Variants in MYO1E observed in about 807,000 individuals in gnomAD.
MYO1E encodes the protein myosin IE, also known as unconventional myosin-Ie.
MYO1E carries 68 observed loss-of-function variants against 151.1 expected under a neutral mutation model. That is an observed-to-expected ratio of 0.45 (90% CI 0.37 to 0.55). MYO1E has a LOEUF of 0.55. Among genes scored for constraint, MYO1E ranks in the 20% least tolerant of loss-of-function variants. The pLI is 0.00. For synonymous variants in MYO1E, 601 were observed against 501.7 expected, an observed-to-expected ratio of 1.20 and a Z score of -2.64; for missense variants, 1,363 against 1,389.3, an observed-to-expected ratio of 0.98 and a Z score of 0.30.
chr15:59,200,732 C>T (rs775606762), intron 16 of MYO1E, among the ~76,000 whole-genome samples: 1 of 152,168 alleles, frequency 6.6e-6, no homozygotes, highest in African/African-American at 2.4e-5. Flanking sequence ...GTTCAGTATG[C>T]CTCAGGCACT....
At chr15:59,224,986 T>A (rs1270988173) in intron 7 of MYO1E, among the ~76,000 whole-genome samples, 163 bp from the exon 8 acceptor site, 1 of 152,208 alleles carries the variant, frequency 6.6e-6, no homozygotes, top group African/African-American at 2.4e-5. Context: ...CCCCAGGTCA[T>A]CTCTGCAAAT....
chr15:59,345,467 T>A lies in MYO1E; in HGVS notation c.3+27031A>T, dbSNP rs148959366. ...ACTACAGGCACATGTGCCACCACAC[T>A]CAGCTAATTAAAAAAATGTTTTTAG... On this transcript the variant is annotated intron_variant, in intron 1 of 27. Transcript: ENST00000288235. Among the ~76,000 whole-genome samples, 83 of 152,256 alleles carry A rather than the reference T, an allele frequency of 5.5e-4. 1 individual carries two copies. In the East Asian group the frequency reaches 0.014, roughly 25 times the overall value.
chr15:59,303,277 T>C (rs546924166), intron 1 of MYO1E, among the ~76,000 whole-genome samples: 12 of 152,192 alleles, frequency 7.9e-5, no homozygotes, highest in African/African-American at 2.9e-4. Flanking sequence ...CCGGGTGTGG[T>C]GGTGGCATGT....
intron 1 of MYO1E, among the ~76,000 whole-genome samples, chr15:59,324,783 A>C (rs1483993754): frequency 6.6e-6 from 1 of 151,952 alleles, no homozygotes; most frequent in Non-Finnish European, 1.5e-5. Context: ...ATTGAGCCTT[A>C]TGTCCTAAAG....
intron 9 of MYO1E, among the ~76,000 whole-genome samples, chr15:59,221,778 A>G (rs1238357874): frequency 6.6e-6 from 1 of 152,186 alleles, no homozygotes; most frequent in African/African-American, 2.4e-5. Flanking sequence ...ACATCTAGGG[A>G]AGTGTTTGCT....
intron 1 of MYO1E, among the ~76,000 whole-genome samples, chr15:59,289,988 G>A (rs1351562093): frequency 3.3e-5 from 5 of 152,190 alleles, no homozygotes; most frequent in Non-Finnish European, 5.9e-5. Context: ...TTTGGGGATC[G>A]GGGAACGGGC....
intron 18 of MYO1E, among the ~76,000 whole-genome samples, chr15:59,180,941 A>T (rs1299760184): frequency 6.6e-6 from 1 of 152,192 alleles, no homozygotes; most frequent in African/African-American, 2.4e-5. Flanking sequence ...CCTTTGTGCC[A>T]GCTCCTCTTT....
intron 1 of MYO1E, among the ~76,000 whole-genome samples, chr15:59,303,982 C>CA (rs2080499323): frequency 7.5e-6 from 1 of 132,642 alleles, no homozygotes; most frequent in South Asian, 2.4e-4. Context: ...TCTTTTCTTT[C>CA]TTTTTTTTTT....
At position 59,135,653 on chromosome 15, in the gene MYO1E, A is replaced by ACAC. The variant is rs2079367986; in HGVS notation, c.*1724_*1726dup. Reference sequence around the variant, plus strand: ...GTTTGCTCCCTGTTCTTGAAGTAAAACACAGCAGAATTAAATGTATCTTCG... The same window carrying ACAC: ...GTTTGCTCCCTGTTCTTGAAGTAAAACACCACAGCAGAATTAAATGTATCTTCG... On this transcript the variant is annotated 3_prime_UTR_variant, in exon 28 of 28. Transcript: ENST00000288235. The ACAC allele has an allele frequency of 1.3e-5, 2 of 152,378 alleles. No individual in the cohort carries two copies. Among genetic ancestry groups the ACAC allele is most frequent in the East Asian group, 3.9e-4 (2 of 5,188 alleles). The allele number at this position is 152,378 out of a possible 1,614,324, so 9.4% of individuals were successfully genotyped here.
chr15:59,145,901 G>A (rs1455647893), intron 26 of MYO1E, among the ~76,000 whole-genome samples: 1 of 152,158 alleles, frequency 6.6e-6, no homozygotes, highest in East Asian at 1.9e-4. Flanking sequence ...TCCCTGGAGT[G>A]CCCACTGTTT....
chr15:59,297,437 A>AC (rs1555417939), intron 1 of MYO1E, among the ~76,000 whole-genome samples: 4 of 63,454 alleles, frequency 6.3e-5, no homozygotes, highest in Admixed American at 2.6e-4. Context: ...CACCCAGCTA[A>AC]TTTTTTTTTT....
intron 22 of MYO1E, among the ~76,000 whole-genome samples, chr15:59,165,614 G>A (rs111233652): frequency 0.012 from 1,785 of 152,288 alleles, 19 homozygotes; most frequent in Non-Finnish European, 0.017. Context: ...CAGGGCCAAC[G>A]TGCCAGTTCC....
At chr15:59,265,181 T>C (rs1238066429) in intron 2 of MYO1E, among the ~76,000 whole-genome samples, 3 of 152,102 alleles carry the variant, frequency 2.0e-5, no homozygotes, top group Admixed American at 6.5e-5. Context: ...AACAGGCAAA[T>C]AAGCTCCTTC....
chr15:59,365,186 A>G (rs1351846492), intron 1 of MYO1E, among the ~76,000 whole-genome samples: 1 of 151,600 alleles, frequency 6.6e-6, no homozygotes, highest in African/African-American at 2.4e-5. Flanking sequence ...CACTCGGCTA[A>G]TTTTTTATTT....
At chr15:59,304,902 G>A (rs564820514) in intron 1 of MYO1E, among the ~76,000 whole-genome samples, 19 of 152,228 alleles carry the variant, frequency 1.2e-4, no homozygotes, top group Admixed American at 1.2e-3. Context: ...TTGTGTCTGT[G>A]CTCAGAAAAA....
intron 1 of MYO1E, among the ~76,000 whole-genome samples, chr15:59,301,195 C>T (rs1015067806): frequency 6.6e-6 from 1 of 152,132 alleles, no homozygotes; most frequent in African/African-American, 2.4e-5. Context: ...TCAGTGGCAG[C>T]CTCTGAATCC....
At chr15:59,184,733 A>G (rs1279561034) in intron 18 of MYO1E, among the ~76,000 whole-genome samples, 1 of 152,220 alleles carries the variant, frequency 6.6e-6, no homozygotes, top group Admixed American at 6.5e-5. Flanking sequence ...TATTGTGAAT[A>G]GTGCTGCCAT....
chr15:59,156,783 G>A (rs530125624), intron 25 of MYO1E, among the ~76,000 whole-genome samples: 8 of 152,294 alleles, frequency 5.3e-5, no homozygotes, highest in African/African-American at 1.7e-4. Flanking sequence ...AATTTTTTAT[G>A]AACTGAATTT....
Position 59,163,290 on chromosome 15 carries a change from C to G in MYO1E, c.2494G>C (p.Asp832His). The G allele has an allele frequency of 1.2e-6, 2 of 1,613,614 alleles. No individual in the cohort carries two copies. The highest frequency in any genetic ancestry group is 1.7e-6 in the Non-Finnish European group (2 of 1,179,696). ...LSVSLSTMQDDIFILHEQEYD... is the reference protein window; with the variant it reads ...LSVSLSTMQDHIFILHEQEYD... ...TCTTGCTCATGGAGAATAAAAATGT[C>G]ATCCTGCATAGTACTGTAAAGAGAT... is the stretch of plus-strand genomic sequence containing the variant. Residue 832 changes from aspartate (D) to histidine (H), a missense_variant, in exon 23 of 28, where the codon GAC becomes CAC. Transcript: ENST00000288235.
Sources: gnomAD v4.1 joint callset for allele counts (sites outside exome capture counted in the v4.1 genomes callset) on GRCh38, gnomAD v4.1.1 for gene constraint, MANE v1.5 for transcripts, NCBI Gene and HGNC (gene_info 2026-07-23, HGNC 2026-07-21) for gene names.